CHCHD6: variants seen among roughly 807,000 people sequenced by gnomAD.
The protein encoded by CHCHD6 is MICOS complex subunit MIC25.
Under a neutral mutation model 32.3 loss-of-function variants are expected in CHCHD6, and 28 were observed. The ratio of observed to expected loss-of-function variants is 0.87; its 90% CI spans 0.64 to 1.19. The LOEUF is 1.19. Ranked by LOEUF, CHCHD6 falls within the 50% of genes most tolerant of loss-of-function variation. The probability of loss-of-function intolerance (pLI) is 0.00; values close to 1 mark genes in which losing one functional copy is unlikely to be tolerated. For synonymous variants in CHCHD6, 122 were observed against 117.5 expected, an observed-to-expected ratio of 1.04 and a Z score of -0.25; for missense variants, 333 against 307.0, an observed-to-expected ratio of 1.08 and a Z score of -0.63.
intron 5 of CHCHD6, among the ~76,000 whole-genome samples, chr3:126,857,439 T>G (rs1367785110): frequency 1.3e-5 from 2 of 152,226 alleles, no homozygotes; most frequent in Non-Finnish European, 2.9e-5. Context: ...TTCCCTGCAC[T>G]GCCTCTGAGC....
intron 4 of CHCHD6, among the ~76,000 whole-genome samples, chr3:126,810,892 A>G (rs1939626716): frequency 6.6e-6 from 1 of 152,118 alleles, no homozygotes; most frequent in Non-Finnish European, 1.5e-5. Flanking sequence ...GCAGGAGGAG[A>G]GGCTGGGCTC....
intron 4 of CHCHD6, among the ~76,000 whole-genome samples, chr3:126,825,323 A>G (rs1338994813): frequency 6.6e-6 from 1 of 152,200 alleles, no homozygotes; most frequent in East Asian, 1.9e-4. Flanking sequence ...ATTTTATCAT[A>G]AGGCCTTGTA....
intron 4 of CHCHD6, among the ~76,000 whole-genome samples, chr3:126,768,558 C>T (rs1025018461): frequency 2.7e-4 from 41 of 152,210 alleles, no homozygotes; most frequent in Admixed American, 2.0e-3. Flanking sequence ...TATGGCAGAA[C>T]AATTTATATT....
intron 6 of CHCHD6, among the ~76,000 whole-genome samples, chr3:126,956,600 C>CGAGAGAGAGA (rs58750065): frequency 0.013 from 1,912 of 149,748 alleles, 45 homozygotes; most frequent in African/African-American, 0.044. Context: ...AGTGTGCGCA[C>CGAGAGAGAGA]GAGAGAGAGA....
At chr3:126,810,386 A>G (rs1008622196) in intron 4 of CHCHD6, among the ~76,000 whole-genome samples, 5 of 152,222 alleles carry the variant, frequency 3.3e-5, no homozygotes, top group Non-Finnish European at 7.3e-5. Flanking sequence ...AATTAGAAAC[A>G]TGGAGGCAAA....
chr3:126,713,567 A>G (rs963839587), intron 1 of CHCHD6, among the ~76,000 whole-genome samples: 1 of 152,134 alleles, frequency 6.6e-6, no homozygotes, highest in African/African-American at 2.4e-5. Context: ...TGTTGCCTTC[A>G]GAAGGAGCCT....
intron 4 of CHCHD6, among the ~76,000 whole-genome samples, chr3:126,748,914 C>T (rs1437476302): frequency 2.0e-5 from 3 of 152,164 alleles, no homozygotes; most frequent in Non-Finnish European, 4.4e-5. Flanking sequence ...TAACTATTAC[C>T]AGCTGAGATA....
intron 4 of CHCHD6, among the ~76,000 whole-genome samples, chr3:126,824,364 C>G (rs562432598): frequency 6.6e-6 from 1 of 151,208 alleles, no homozygotes; most frequent in Non-Finnish European, 1.5e-5. Flanking sequence ...GAGTTCGAGA[C>G]CAGCCTGACC....
intron 1 of CHCHD6, among the ~76,000 whole-genome samples, chr3:126,715,773 G>A (rs1322778670): frequency 1.3e-5 from 2 of 152,158 alleles, no homozygotes; most frequent in Non-Finnish European, 2.9e-5. Flanking sequence ...CTTGTGGAGT[G>A]CATCTTATTT....
At chr3:126,734,113 C>A (rs1254790901) in intron 4 of CHCHD6, among the ~76,000 whole-genome samples, 2 of 152,206 alleles carry the variant, frequency 1.3e-5, no homozygotes, top group African/African-American at 2.4e-5. Flanking sequence ...AAGCTCCTGG[C>A]AGAATTCCTC....
At chr3:126,895,621 C>T (rs1041308300) in intron 5 of CHCHD6, among the ~76,000 whole-genome samples, 10 of 152,180 alleles carry the variant, frequency 6.6e-5, no homozygotes, top group Non-Finnish European at 1.3e-4. Flanking sequence ...AAGTGTTTTC[C>T]TAGAAATTGC....
intron 4 of CHCHD6, among the ~76,000 whole-genome samples, chr3:126,771,738 T>A (rs1483734641): frequency 6.6e-6 from 1 of 152,236 alleles, no homozygotes; most frequent in Non-Finnish European, 1.5e-5. Context: ...GGTTGTTAAT[T>A]GGGGATCTTT....
chr3:126,937,885 C>T lies in CHCHD6; in HGVS notation c.567-19531C>T, dbSNP rs369656722. Among the ~76,000 whole-genome samples, 50 of 152,212 alleles carry T rather than the reference C, an allele frequency of 3.3e-4. No individual in the cohort carries two copies. The South Asian group carries it at 8.9e-3, about 27-fold the overall frequency. The stretch of plus-strand genomic sequence containing the variant: ...GGTTACTTCTGGGGGAGCGGGATTT[C>T]AATAACTGCTGGTTCCCAGGCCCAG... On this transcript the variant is annotated intron_variant, in intron 6 of 7. Coordinates refer to ENST00000290913, the MANE Select transcript of CHCHD6 (RefSeq NM_032343.3).
intron 2 of CHCHD6, among the ~76,000 whole-genome samples, chr3:126,727,992 G>C (rs140323634): frequency 5.9e-5 from 9 of 151,770 alleles, no homozygotes; most frequent in Non-Finnish European, 1.0e-4. Context: ...AAAAAAGATT[G>C]GCTGGAGGCA....
At chr3:126,823,837 A>C (rs891447544) in intron 4 of CHCHD6, among the ~76,000 whole-genome samples, 1 of 152,138 alleles carries the variant, frequency 6.6e-6, no homozygotes, top group African/African-American at 2.4e-5. Flanking sequence ...GCTTGAGCCC[A>C]GGAGTTTGAG....
intron 5 of CHCHD6, among the ~76,000 whole-genome samples, chr3:126,870,822 A>G (rs1277660374): frequency 4.6e-5 from 7 of 152,212 alleles, no homozygotes; most frequent in African/African-American, 1.7e-4. Context: ...TGGGGACTGC[A>G]TTTCTGGACC....
rs550174789 is a variant in CHCHD6, at chr3:126,959,442, G to A, written c.703-754G>A. The stretch of plus-strand genomic sequence containing the variant: ...CTGTGTGTGAGATGTGGCAAGTGCT[G>A]GAGAAACTCTCACCACCCTTCGCCA... On this transcript the variant is annotated intron_variant, in intron 7 of 7. Transcript: ENST00000290913. 9.8e-5 allele frequency among the ~76,000 whole-genome samples: 15 copies of A among 152,360 alleles called. No homozygotes were observed. In the East Asian group the frequency reaches 2.3e-3, roughly 24 times the overall value.
chr3:126,789,421 G>T, intron 4 of CHCHD6, among the ~76,000 whole-genome samples: 1 of 152,144 alleles, frequency 6.6e-6, no homozygotes, highest in Non-Finnish European at 1.5e-5. Context: ...TGACAGTGGG[G>T]TGTTAAAGTC....
chr3:126,814,636 G>A (rs970472275), intron 4 of CHCHD6, among the ~76,000 whole-genome samples: 1 of 152,236 alleles, frequency 6.6e-6, no homozygotes, highest in Non-Finnish European at 1.5e-5. Context: ...TTCCTGGAGA[G>A]TGGTACGCCC....
Sources: allele counts gnomAD v4.1 joint callset (sites outside exome capture counted in the v4.1 genomes callset), GRCh38; gene constraint gnomAD v4.1.1; transcripts MANE v1.5; gene names NCBI Gene and HGNC (gene_info 2026-07-23, HGNC 2026-07-21).